The following DNAH14 variants were observed in gnomAD, a reference collection of about 807,000 sequenced individuals.
DNAH14 encodes the protein axonemal beta dynein heavy chain 14.
Under a neutral mutation model 520.9 loss-of-function variants are expected in DNAH14, and 478 were observed. The ratio of observed to expected loss-of-function variants is 0.92; its 90% CI spans 0.85 to 0.99. The LOEUF (loss-of-function observed/expected upper bound fraction) is 0.99. Among genes scored for constraint, DNAH14 ranks in the 50% least tolerant of loss-of-function variants. DNAH14 has a pLI of 0.00. For missense variants in DNAH14, 4,831 were observed against 5,234.5 expected (o/e 0.92, Z 2.38); for synonymous variants, 1,581 against 1,757.2 (o/e 0.90, Z 2.51).
At chr1:225,166,103 C>T (rs908716427) in intron 35 of DNAH14, among the ~76,000 whole-genome samples, 2 of 152,160 alleles carry the variant, frequency 1.3e-5, no homozygotes, top group South Asian at 4.2e-4. Flanking sequence ...AGTATTCTTG[C>T]ATCTCTCTCT....
At chr1:225,121,264 C>T (rs2077264984) in intron 26 of DNAH14, among the ~76,000 whole-genome samples, 1 of 152,100 alleles carries the variant, frequency 6.6e-6, no homozygotes, top group Non-Finnish European at 1.5e-5. Flanking sequence ...ATGGTGAAAA[C>T]ATTTCAAGTT....
intron 21 of DNAH14, among the ~76,000 whole-genome samples, chr1:225,096,395 A>T (rs2074973051): frequency 6.6e-6 from 1 of 152,250 alleles, no homozygotes; most frequent in Non-Finnish European, 1.5e-5. Context: ...AAGTACCAGA[A>T]GTCAAATATA....
At chr1:225,103,842 A>T (rs2075757935) in intron 23 of DNAH14, among the ~76,000 whole-genome samples, 1 of 152,090 alleles carries the variant, frequency 6.6e-6, no homozygotes, top group Non-Finnish European at 1.5e-5. Flanking sequence ...GCAAACAGGG[A>T]CAATTTGACT....
intron 1 of DNAH14, among the ~76,000 whole-genome samples, chr1:224,947,459 C>T (rs2489298): frequency 0.26 from 39,734 of 151,894 alleles, 8,074 homozygotes; most frequent in African/African-American, 0.56. Context: ...AGATTCTGAT[C>T]GGAGTTATTT....
chr1:225,074,038 C>T (rs1198533987), intron 17 of DNAH14, among the ~76,000 whole-genome samples: 4 of 122,870 alleles, frequency 3.3e-5, no homozygotes, highest in Non-Finnish European at 4.8e-5. Flanking sequence ...CTCGCTCTGT[C>T]GCCCAGGCTG....
chr1:225,166,390 G>C (rs969695308), intron 35 of DNAH14, among the ~76,000 whole-genome samples: 1 of 152,140 alleles, frequency 6.6e-6, no homozygotes, highest in Non-Finnish European at 1.5e-5. Context: ...TATGCCAGCT[G>C]TCAACTGTTT....
intron 15 of DNAH14, among the ~76,000 whole-genome samples, chr1:225,048,000 A>G (rs927198026): frequency 5.3e-5 from 8 of 152,112 alleles, no homozygotes; most frequent in African/African-American, 1.4e-4. Context: ...GTACATATCC[A>G]CCATCACAGT....
rs552163309 is a variant in DNAH14, at chr1:225,272,907, A to T, written c.7840-48A>T. 182 of 1,475,022 alleles carry T rather than the reference A, an allele frequency of 1.2e-4. 1 individual carries two copies. The Admixed American group carries it at 4.9e-3, about 40-fold the overall frequency. 91.4% of individuals were successfully genotyped at this position (1,475,022 alleles called of 1,614,324 possible). ...AAATTGAGCCTTCGCTTCACATACT[A>T]CCCTGCTAATTTTTTTTAAAAAAAC... On this transcript the variant is annotated intron_variant, in intron 51 of 85. Coordinates refer to ENST00000682510, the MANE Select transcript of DNAH14 (RefSeq NM_001367479.1).
At chr1:225,095,825 G>A (rs904337573) in intron 21 of DNAH14, among the ~76,000 whole-genome samples, 1 of 152,116 alleles carries the variant, frequency 6.6e-6, no homozygotes, top group African/African-American at 2.4e-5. Flanking sequence ...GTTGCCTGGT[G>A]GTAGGGTAGG....
At chr1:225,112,849 T>A (rs1359714970) in intron 23 of DNAH14, among the ~76,000 whole-genome samples, 1 of 152,066 alleles carries the variant, frequency 6.6e-6, no homozygotes, top group Admixed American at 6.5e-5. Flanking sequence ...TATCAATTTC[T>A]TTGTTAAATT....
At chr1:225,133,047 C>A (rs2078594610) in intron 27 of DNAH14, among the ~76,000 whole-genome samples, 1 of 151,868 alleles carries the variant, frequency 6.6e-6, no homozygotes, top group African/African-American at 2.4e-5. Context: ...CTGTTCATGT[C>A]CTTTGCCCAC....
At chr1:225,392,874 C>T (rs1336842619) in intron 84 of DNAH14, among the ~76,000 whole-genome samples, 1 of 152,178 alleles carries the variant, frequency 6.6e-6, no homozygotes, top group African/African-American at 2.4e-5. Flanking sequence ...TACACCTACC[C>T]AGACCTCAGC....
intron 67 of DNAH14, 131 bp from the exon 68 acceptor site, chr1:225,337,930 G>T: frequency 2.4e-6 from 2 of 841,638 alleles, no homozygotes; most frequent in South Asian, 2.0e-5. Flanking sequence ...TAGTCACCCT[G>T]TTGTACTATG....
At chr1:225,003,871 A>G (rs1905117) in intron 9 of DNAH14, among the ~76,000 whole-genome samples, 8,386 of 152,174 alleles carry the variant, frequency 0.055, 474 homozygotes, top group East Asian at 0.24. Flanking sequence ...ATAATCTGTA[A>G]TATCAGATTA....
chr1:225,158,356 T>C (rs2081233731), intron 34 of DNAH14, among the ~76,000 whole-genome samples: 1 of 152,146 alleles, frequency 6.6e-6, no homozygotes, highest in South Asian at 2.1e-4. Context: ...CAGGGTGTGA[T>C]TGCTTTGATT....
chr1:224,954,011 A>G (rs1370956040), intron 2 of DNAH14, among the ~76,000 whole-genome samples: 1 of 152,186 alleles, frequency 6.6e-6, no homozygotes, highest in East Asian at 1.9e-4. Context: ...ATTCCAAATC[A>G]GAGATACAAA....
At chr1:225,346,757 A>G (rs78718610) in intron 71 of DNAH14, 103 bp downstream of exon 71, 44,196 of 873,214 alleles carry the variant, frequency 0.051, 1,348 homozygotes, top group South Asian at 0.07. Flanking sequence ...GATTAAAGTA[A>G]AAGTAGCTTG....
intron 84 of DNAH14, chr1:225,396,469 ATAAGCT>A (rs1349674764): frequency 1.3e-5 from 2 of 152,214 alleles, no homozygotes; most frequent in African/African-American, 4.8e-5. Context: ...GAGGCAGATC[ATAAGCT>A]TTGAACCCAC....
At chr1:225,360,918 G>A (rs1575017273) in intron 75 of DNAH14, 27 bp downstream of exon 75, 4 of 1,537,894 alleles carry the variant, frequency 2.6e-6, no homozygotes, top group Non-Finnish European at 3.5e-6. Context: ...TATCTGTAAG[G>A]GATCAGATTG....
Sources: allele counts gnomAD v4.1 joint callset (sites outside exome capture counted in the v4.1 genomes callset), GRCh38; gene constraint gnomAD v4.1.1; transcripts MANE v1.5; gene names NCBI Gene and HGNC (gene_info 2026-07-23, HGNC 2026-07-21).